Variants in VIT observed in about 807,000 individuals in gnomAD.
The protein encoded by VIT is vitrin.
In VIT, 99 loss-of-function variants were observed where a neutral mutation model predicts 78.0. The observed-to-expected ratio is 1.27, with a 90% CI of 1.08 to 1.50. The LOEUF (loss-of-function observed/expected upper bound fraction) is 1.50. Ranked by LOEUF, VIT falls within the 40% of genes most tolerant of loss-of-function variation. The pLI, the probability that VIT is intolerant of heterozygous loss-of-function variation, is 0.00. For missense variants in VIT, 1,126 were observed against 875.3 expected (o/e 1.29, Z -3.61); for synonymous variants, 374 against 334.3 (o/e 1.12, Z -1.29).
At chr2:36,784,638 T>C (rs969886945) in intron 11 of VIT, among the ~76,000 whole-genome samples, 2 of 152,232 alleles carry the variant, frequency 1.3e-5, no homozygotes, top group African/African-American at 4.8e-5. Flanking sequence ...AATGGTACCA[T>C]GTTGAAGGAA....
intron 1 of VIT, among the ~76,000 whole-genome samples, chr2:36,704,824 T>C (rs1283015953): frequency 1.3e-5 from 2 of 151,976 alleles, no homozygotes; most frequent in Admixed American, 1.3e-4. Context: ...GAGGGGAGGG[T>C]GTGGATCTTG....
intron 7 of VIT, among the ~76,000 whole-genome samples, chr2:36,769,843 C>T (rs1195556969): frequency 1.3e-5 from 2 of 152,116 alleles, no homozygotes; most frequent in South Asian, 2.1e-4. Flanking sequence ...TCATCATTTC[C>T]CCAACCCCTC....
Position 36,715,407 on chromosome 2 carries a change from C to T in VIT, c.-18-946C>T, listed in dbSNP as rs547986363. Among the ~76,000 whole-genome samples, 6 of 152,136 alleles carry T rather than the reference C, an allele frequency of 3.9e-5. 1 individual carries two copies. The East Asian group carries it at 1.2e-3, about 29-fold the overall frequency. On this transcript the variant is annotated intron_variant, in intron 1 of 15. Transcript: ENST00000379242. ...CAAAACTCAGCCAGGCATGGTGGCA[C>T]ATGCCTGTAATCCCAGCTACTTGGG...
At chr2:36,768,736 C>G (rs1454120237) in intron 7 of VIT, among the ~76,000 whole-genome samples, 1 of 152,124 alleles carries the variant, frequency 6.6e-6, no homozygotes, top group East Asian at 1.9e-4. Flanking sequence ...CCAGGCAGAG[C>G]ACATTTTGGC....
intron 12 of VIT, among the ~76,000 whole-genome samples, chr2:36,789,836 C>T (rs1249328551): frequency 6.6e-6 from 1 of 152,172 alleles, no homozygotes; most frequent in Admixed American, 6.5e-5. Flanking sequence ...AAACAAATGA[C>T]CGCCTCATCA....
chr2:36,710,806 G>A (rs1665755432), intron 1 of VIT, among the ~76,000 whole-genome samples: 1 of 152,070 alleles, frequency 6.6e-6, no homozygotes, highest in Non-Finnish European at 1.5e-5. Context: ...CCATTTATCT[G>A]TTGATAGATT....
intron 12 of VIT, among the ~76,000 whole-genome samples, chr2:36,796,110 TAAAAA>T (rs149375506): frequency 2.1e-5 from 3 of 141,246 alleles, no homozygotes; most frequent in Non-Finnish European, 1.5e-5. Context: ...CATGACTGAT[TAAAAA>T]AAAAAAAAAA....
intron 12 of VIT, among the ~76,000 whole-genome samples, chr2:36,794,261 T>G (rs912106126): frequency 6.6e-6 from 1 of 152,352 alleles, no homozygotes; most frequent in Non-Finnish European, 1.5e-5. Context: ...CAATCTAAAT[T>G]TTCTCTTTGA....
chr2:36,705,993 A>G (rs1363266264), intron 1 of VIT, among the ~76,000 whole-genome samples: 1 of 152,184 alleles, frequency 6.6e-6, no homozygotes, highest in African/African-American at 2.4e-5. Flanking sequence ...AAACACTATT[A>G]TATGTCTCCT....
At chr2:36,706,757 G>A (rs918768810) in intron 1 of VIT, among the ~76,000 whole-genome samples, 1 of 152,186 alleles carries the variant, frequency 6.6e-6, no homozygotes, top group African/African-American at 2.4e-5. Flanking sequence ...TAATTGAGCT[G>A]CTTCAGTTGT....
intron 7 of VIT, among the ~76,000 whole-genome samples, chr2:36,768,426 C>G (rs148060076): frequency 1.3e-5 from 2 of 152,064 alleles, no homozygotes; most frequent in African/African-American, 4.8e-5. Flanking sequence ...AAAGAGACTC[C>G]GTTTCAATAA....
At chr2:36,730,375 G>A (rs899101700) in intron 3 of VIT, among the ~76,000 whole-genome samples, 6 of 152,014 alleles carry the variant, frequency 3.9e-5, no homozygotes, top group Admixed American at 6.5e-5. Flanking sequence ...TCCTGGTCTT[G>A]GCTTTTATGG....
At chr2:36,717,474 G>C (rs1004193212) in intron 2 of VIT, among the ~76,000 whole-genome samples, 1 of 149,616 alleles carries the variant, frequency 6.7e-6, no homozygotes, top group Middle Eastern at 3.3e-3. Flanking sequence ...CTGACCTTGT[G>C]ATCCTCCTGC....
intron 1 of VIT, among the ~76,000 whole-genome samples, chr2:36,711,238 A>G (rs1291768807): frequency 6.6e-6 from 1 of 152,148 alleles, no homozygotes; most frequent in East Asian, 1.9e-4. Flanking sequence ...CCCTGCTTAA[A>G]TTACTTTTCT....
intron 1 of VIT, among the ~76,000 whole-genome samples, chr2:36,712,007 C>A (rs545565233): frequency 5.8e-4 from 88 of 152,252 alleles, no homozygotes; most frequent in East Asian, 7.7e-4. Context: ...TGTTAGAACC[C>A]GGGTGAGCCC....
chr2:36,722,845 C>T (rs1415701713), intron 2 of VIT, among the ~76,000 whole-genome samples: 1 of 152,112 alleles, frequency 6.6e-6, no homozygotes, highest in Non-Finnish European at 1.5e-5. Flanking sequence ...ACAGATTAAT[C>T]ATGCCAATAA....
chr2:36,808,853 G>T lies in VIT; in HGVS notation c.1771G>T (p.Ala591Ser). 1 of 1,614,198 alleles carries T rather than the reference G, an allele frequency of 6.2e-7. No individual in the cohort carries two copies. Among genetic ancestry groups the T allele is most frequent in the Non-Finnish European group, 8.5e-7 (1 of 1,180,038 alleles). Residue 591 changes from alanine to serine, a missense_variant, in exon 15 of 16, where the codon GCT becomes TCT. Ala to Ser is a moderately conservative substitution (Grantham distance 99, BLOSUM62 1). Coordinates refer to ENST00000379242, the MANE Select transcript of VIT (RefSeq NM_053276.4). The stretch of plus-strand genomic sequence containing the variant: ...CTGGAGTGGTGGCACCAGCACGGGG[G>T]CTGCCATCAACTTCGCCCTGGAGCA... ...GYWSGGTSTG[A>S]AINFALEQLF...
rs113963629 is a variant in VIT at position 36,723,387 on chromosome 2, T to C, written c.53-6039T>C. ...ATAAAAGTTTTTAAGGCTCTTGAAA[T>C]TGCTTTCCAGAATGGCCCTGCCTGC... On this transcript the variant is annotated intron_variant, in intron 2 of 15. Transcript: ENST00000379242. 7.5e-3 allele frequency among the ~76,000 whole-genome samples: 1,141 copies of C among 152,310 alleles called. 14 individuals carry two copies. The highest frequency in any genetic ancestry group is 0.026 in the African/African-American group (1,099 of 41,572).
At chr2:36,787,535 C>T (rs143016330) in intron 12 of VIT, among the ~76,000 whole-genome samples, 1 of 152,346 alleles carries the variant, frequency 6.6e-6, no homozygotes, top group African/African-American at 2.4e-5. Context: ...ATTTATTTGT[C>T]TGGAAAACAG....
Sources: allele counts gnomAD v4.1 joint callset (sites outside exome capture counted in the v4.1 genomes callset), GRCh38; gene constraint gnomAD v4.1.1; transcripts MANE v1.5; gene names NCBI Gene and HGNC (gene_info 2026-07-23, HGNC 2026-07-21).